The following ANKRD17 variants were observed in gnomAD, a reference collection of about 807,000 sequenced individuals.
The protein encoded by ANKRD17 is ankyrin repeat domain 17.
In ANKRD17, 19 loss-of-function variants were observed where a neutral mutation model predicts 229.7. The observed-to-expected ratio is 0.08, with a 90% CI of 0.06 to 0.12. The LOEUF is 0.12. ANKRD17 is among the 10% of genes least tolerant of loss of function. ANKRD17 has a pLI of 1.00. For missense variants in ANKRD17, 2,176 were observed against 3,176.8 expected (o/e 0.68, Z 7.57); for synonymous variants, 1,112 against 1,146.1 (o/e 0.97, Z 0.60).
intron 13 of ANKRD17, 58 bp from the exon 14 acceptor site, chr4:73,141,901 G>T: frequency 8.0e-7 from 1 of 1,256,924 alleles, no homozygotes; most frequent in Non-Finnish European, 1.1e-6. Context: ...TAAGTAATAT[G>T]CTCTAAATAA....
At chr4:73,206,497 A>G (rs1377007194) in intron 1 of ANKRD17, among the ~76,000 whole-genome samples, 1 of 152,142 alleles carries the variant, frequency 6.6e-6, no homozygotes, top group Non-Finnish European at 1.5e-5. Flanking sequence ...GGAAAGATAG[A>G]AAGAAATCTT....
chr4:73,227,299 G>A (rs971850753), intron 1 of ANKRD17, among the ~76,000 whole-genome samples: 4 of 152,084 alleles, frequency 2.6e-5, no homozygotes, highest in South Asian at 4.2e-4. Context: ...GATTACAGGC[G>A]CCCACCACCA....
chr4:73,231,400 G>A (rs1306305497), intron 1 of ANKRD17, among the ~76,000 whole-genome samples: 1 of 152,156 alleles, frequency 6.6e-6, no homozygotes, highest in South Asian at 2.1e-4. Context: ...TGGGGTCCCT[G>A]ACAAGCTCCA....
intron 22 of ANKRD17, among the ~76,000 whole-genome samples, chr4:73,116,162 A>C (rs1725921938): frequency 6.6e-6 from 1 of 152,056 alleles, no homozygotes; most frequent in South Asian, 2.1e-4. Context: ...ACTCTGAATA[A>C]AAAAAACAAT....
At position 73,140,072 on chromosome 4, in the gene ANKRD17, G is replaced by A. The variant is rs143690709; in HGVS notation, c.2544C>T (p.Ile848=). The A allele has an allele frequency of 6.3e-5, 102 of 1,613,906 alleles. No individual in the cohort carries two copies. Among genetic ancestry groups the A allele is most frequent in the Non-Finnish European group, 7.8e-5 (92 of 1,180,006 alleles). Residue 848 remains isoleucine, a synonymous_variant, in exon 15 of 34, where the codon ATC becomes ATT. Transcript: ENST00000358602. ...CCTCCCTTGTTTTGTTGAGCTCCTCGATCTTCTCCTTGGTAAGTTGGTCAG... is the reference window on the plus strand; with the variant it reads ...CCTCCCTTGTTTTGTTGAGCTCCTCAATCTTCTCCTTGGTAAGTTGGTCAG... ...AHADQLTKEK[I]EELNKTREEQ...
intron 1 of ANKRD17, among the ~76,000 whole-genome samples, chr4:73,213,711 A>G (rs968865853): frequency 1.3e-5 from 2 of 152,224 alleles, no homozygotes; most frequent in Admixed American, 1.3e-4. Flanking sequence ...ATTTATATAA[A>G]CAAAAGAAGG....
At chr4:73,097,335 AG>A (rs1346179853) in intron 26 of ANKRD17, 63 bp from the exon 27 acceptor site, 1 of 1,407,512 alleles carries the variant, frequency 7.1e-7, no homozygotes, top group African/African-American at 1.5e-5. Context: ...TAAATGATAA[AG>A]GTAGTCTACT....
intron 1 of ANKRD17, among the ~76,000 whole-genome samples, chr4:73,233,318 ATAT>A (rs774363460): frequency 1.2e-4 from 19 of 152,176 alleles, no homozygotes; most frequent in Non-Finnish European, 2.1e-4. Context: ...AAATTTATAG[ATAT>A]TATTTTTATA....
chr4:73,106,359 T>TA (rs1274609157), intron 24 of ANKRD17, among the ~76,000 whole-genome samples: 1 of 152,182 alleles, frequency 6.6e-6, no homozygotes, highest in Non-Finnish European at 1.5e-5. Flanking sequence ...AGTTAGGCTT[T>TA]ATAAGATAAG....
chr4:73,224,649 G>T (rs1230709745), intron 1 of ANKRD17, among the ~76,000 whole-genome samples: 1 of 151,912 alleles, frequency 6.6e-6, no homozygotes, highest in Non-Finnish European at 1.5e-5. Flanking sequence ...CTTACTATAT[G>T]CCATTTTAAA....
At chr4:73,129,398 G>C (rs1727889443) in intron 16 of ANKRD17, among the ~76,000 whole-genome samples, 1 of 152,170 alleles carries the variant, frequency 6.6e-6, no homozygotes, top group African/African-American at 2.4e-5. Flanking sequence ...TGAAATTCAG[G>C]TGAAAAAGCA....
At chr4:73,252,531 A>T (rs1560791217) in intron 1 of ANKRD17, among the ~76,000 whole-genome samples, 1 of 152,192 alleles carries the variant, frequency 6.6e-6, no homozygotes, top group South Asian at 2.1e-4. Context: ...CTCTTTGAGG[A>T]TCTAATGAAA....
At position 73,146,378 on chromosome 4, in the gene ANKRD17, A is replaced by G. The variant is rs534119476; in HGVS notation, c.1869+386T>C. Among the ~76,000 whole-genome samples the G allele has an allele frequency of 3.9e-5, 6 of 152,298 alleles. No homozygotes were observed. The East Asian group carries it at 9.6e-4, about 24-fold the overall frequency. On this transcript the variant is annotated intron_variant, in intron 10 of 33. Coordinates refer to ENST00000358602, the MANE Select transcript of ANKRD17 (RefSeq NM_032217.5). ...GTTTTAAACTCTTTTATTATTTAAT[A>G]ATGTTCTGAATATTGTAGGCATAAT...
At chr4:73,234,461 C>T (rs967375666) in intron 1 of ANKRD17, among the ~76,000 whole-genome samples, 1 of 151,798 alleles carries the variant, frequency 6.6e-6, no homozygotes, top group African/African-American at 2.4e-5. Flanking sequence ...TCTGATTATC[C>T]CTGTCTGTTT....
chr4:73,102,705 T>C, intron 24 of ANKRD17, 158 bp from the exon 25 acceptor site: 1 of 718,064 alleles, frequency 1.4e-6, no homozygotes, highest in Non-Finnish European at 2.2e-6. Flanking sequence ...CAAACCACTC[T>C]AAAGAGACAA....
intron 1 of ANKRD17, among the ~76,000 whole-genome samples, chr4:73,225,283 A>G (rs926677601): frequency 9.9e-5 from 15 of 152,142 alleles, no homozygotes; most frequent in Non-Finnish European, 2.2e-4. Flanking sequence ...AGTTCAAGGA[A>G]CGTATGCTGG....
At chr4:73,236,112 T>C (rs1336390326) in intron 1 of ANKRD17, among the ~76,000 whole-genome samples, 1 of 152,042 alleles carries the variant, frequency 6.6e-6, no homozygotes, top group Non-Finnish European at 1.5e-5. Flanking sequence ...GGGGACAGAG[T>C]AGGGAAAAAG....
At chr4:73,097,634 TC>T (rs1424086362) in intron 26 of ANKRD17, among the ~76,000 whole-genome samples, 2 of 152,050 alleles carry the variant, frequency 1.3e-5, no homozygotes, top group African/African-American at 4.8e-5. Flanking sequence ...AGACAGGGTC[TC>T]CCTATGTTGT....
chr4:73,238,680 G>A (rs762296126), intron 1 of ANKRD17, among the ~76,000 whole-genome samples: 1 of 152,060 alleles, frequency 6.6e-6, no homozygotes, highest in Non-Finnish European at 1.5e-5. Flanking sequence ...TATTCATACA[G>A]ATCTGTAAAG....
Sources: allele counts gnomAD v4.1 joint callset (sites outside exome capture counted in the v4.1 genomes callset), GRCh38; gene constraint gnomAD v4.1.1; transcripts MANE v1.5; gene names NCBI Gene and HGNC (gene_info 2026-07-23, HGNC 2026-07-21).